The following PYROXD2 variants were observed in gnomAD, a reference collection of about 807,000 sequenced individuals.
PYROXD2 encodes the protein pyridine nucleotide-disulfide oxidoreductase domain-containing protein 2.
In PYROXD2, 69 loss-of-function variants were observed where a neutral mutation model predicts 71.1. The observed-to-expected ratio is 0.97, with a 90% confidence interval of 0.80 to 1.19. The LOEUF is 1.19. PYROXD2 is among the 50% of genes most tolerant of loss of function. The pLI is 0.00. For missense variants in PYROXD2, 745 were observed against 748.9 expected (o/e 0.99, Z 0.06); for synonymous variants, 287 against 302.7 (o/e 0.95, Z 0.54).
Position 98,407,918 on chromosome 10 carries a change from T to G in PYROXD2, c.227A>C (p.Glu76Ala). 6.2e-7 allele frequency: 1 copy of G among 1,609,150 alleles called. No homozygotes were observed. Among genetic ancestry groups the G allele is most frequent in the African/African-American group, 1.3e-5 (1 of 74,958 alleles). Residue 76 changes from glutamate to alanine, a missense_variant, in exon 3 of 16, where the codon GAG becomes GCG. Physicochemically the swap from Glu to Ala is moderately radical, Grantham distance 107. Coordinates refer to ENST00000370575, the MANE Select transcript of PYROXD2 (RefSeq NM_032709.3). ...TCAGAGCTCACCTGGGATGATCTCC[T>G]CAGTGACAGCTGCACCCCCGATCAC... Reference protein sequence around the residue: ...RHVIGGAAVTEEIIPGFKFSR... With the variant: ...RHVIGGAAVTAEIIPGFKFSR...
At chr10:98,388,023 T>C in intron 13 of PYROXD2, 1 of 284,720 alleles carries the variant, frequency 3.5e-6, no homozygotes, top group Non-Finnish European at 6.7e-6. Context: ...CATCCCTTCC[T>C]TTGAAAGCCT....
chr10:98,388,955 G>C (rs1002972611), intron 12 of PYROXD2, among the ~76,000 whole-genome samples: 1 of 152,238 alleles, frequency 6.6e-6, no homozygotes. Flanking sequence ...AGCCCCAGCA[G>C]AGCTGTGACC....
intron 2 of PYROXD2, 194 bp downstream of exon 2, chr10:98,410,745 T>A (rs913981767): frequency 6.9e-6 from 5 of 726,600 alleles, no homozygotes; most frequent in Non-Finnish European, 1.1e-5. Context: ...GAGCCTGTGA[T>A]GTCCACAGCT....
intron 1 of PYROXD2, among the ~76,000 whole-genome samples, chr10:98,412,030 C>T (rs1197633102): frequency 6.6e-6 from 1 of 152,216 alleles, no homozygotes; most frequent in Non-Finnish European, 1.5e-5. Flanking sequence ...CTGCTATTTG[C>T]CAGGGCATGA....
chr10:98,411,071 G>T, intron 1 of PYROXD2, 113 bp from the exon 2 acceptor site: 1 of 1,473,566 alleles, frequency 6.8e-7, no homozygotes, highest in South Asian at 1.3e-5. Flanking sequence ...GAAGATCCTT[G>T]GTGACCCTCC....
In PYROXD2 at chr10:98,415,118, T is replaced by C. The variant is rs1394722743; in HGVS notation, c.18A>G (p.Arg6=). The change falls in exon 1 of 16, where the codon CGA becomes CGG. Residue 6 remains arginine, a synonymous_variant. Coordinates refer to ENST00000370575, the MANE Select transcript of PYROXD2 (RefSeq NM_032709.3). MAASG[R]GLCKAVAASP... Reference sequence around the variant, plus strand: ...AGGCGGCCACAGCCTTGCAGAGACCTCGGCCACTTGCAGCCATTTCTGCCC... The same window carrying C: ...AGGCGGCCACAGCCTTGCAGAGACCCCGGCCACTTGCAGCCATTTCTGCCC... 1 of 1,613,378 alleles carries C rather than the reference T, an allele frequency of 6.2e-7. No individual in the cohort carries two copies. Among genetic ancestry groups the C allele is most frequent in the South Asian group, 1.1e-5 (1 of 90,924 alleles).
chr10:98,386,725 T>C (rs190420443), intron 14 of PYROXD2, among the ~76,000 whole-genome samples: 1 of 152,182 alleles, frequency 6.6e-6, no homozygotes, highest in East Asian at 1.9e-4. Context: ...GGGGTTTTTG[T>C]TTTTGTAGAG....
intron 4 of PYROXD2, among the ~76,000 whole-genome samples, chr10:98,401,757 T>C (rs923092666): frequency 9.2e-5 from 14 of 152,192 alleles, no homozygotes; most frequent in Non-Finnish European, 1.5e-5. Flanking sequence ...GGATCATCAA[T>C]GTCACTGACT....
intron 4 of PYROXD2, among the ~76,000 whole-genome samples, chr10:98,401,273 A>AAAAAAAAAACAAAC (rs149519972): frequency 2.5e-5 from 3 of 121,692 alleles, no homozygotes; most frequent in African/African-American, 1.1e-4. Context: ...AAAACAAAAA[A>AAAAAAAAAACAAAC]AAACAAACAT....
intron 4 of PYROXD2, among the ~76,000 whole-genome samples, chr10:98,405,473 TG>T: frequency 6.6e-6 from 1 of 152,226 alleles, no homozygotes; most frequent in Middle Eastern, 3.4e-3. Flanking sequence ...AAGTGCCAAA[TG>T]GGGGTAATAA....
At position 98,390,838 on chromosome 10, in the gene PYROXD2, A is replaced by G. The variant is rs1012364374; in HGVS notation, c.1136-84T>C. On this transcript the variant is annotated intron_variant, in intron 11 of 15. Transcript: ENST00000370575. ...AGCACCCTGCTACCCTCAGTGGCGG[A>G]CGGGAGTAGGAAAGTATGAGCAAGT... is the stretch of plus-strand genomic sequence containing the variant. 9 of 1,503,910 alleles carry G rather than the reference A, an allele frequency of 6.0e-6. No homozygotes were observed. The Admixed American group carries it at 7.3e-5, about 12-fold the overall frequency. 93.2% of individuals were successfully genotyped at this position (1,503,910 alleles called of 1,614,324 possible). A position where few individuals can be genotyped will look rare whatever the true frequency, so the allele number is the denominator to read the frequency against.
At chr10:98,388,189 A>G (rs1199826045) in intron 13 of PYROXD2, 165 bp downstream of exon 13, 2 of 663,776 alleles carry the variant, frequency 3.0e-6, no homozygotes, top group East Asian at 5.5e-5. Flanking sequence ...CCAGTTCCTG[A>G]CCCCTGCAGT....
intron 12 of PYROXD2, among the ~76,000 whole-genome samples, chr10:98,389,060 G>A (rs571663860): frequency 9.2e-5 from 14 of 152,192 alleles, no homozygotes; most frequent in East Asian, 3.9e-4. Flanking sequence ...TCAAGGCCAC[G>A]GGAAATGCCC....
intron 13 of PYROXD2, 39 bp downstream of exon 13, chr10:98,388,315 G>T (rs147806129): frequency 1.2e-6 from 2 of 1,610,766 alleles, no homozygotes; most frequent in South Asian, 2.2e-5. Flanking sequence ...TCGCATGCCC[G>T]GCTGTGGCTC....
chr10:98,394,137 A>C (rs537285328), intron 8 of PYROXD2, among the ~76,000 whole-genome samples: 1 of 152,272 alleles, frequency 6.6e-6, no homozygotes, highest in African/African-American at 2.4e-5. Context: ...ACCCATCAGG[A>C]CATCTGCTCC....
intron 1 of PYROXD2, among the ~76,000 whole-genome samples, chr10:98,412,820 T>G (rs1843834176): frequency 1.3e-5 from 2 of 152,152 alleles, no homozygotes; most frequent in African/African-American, 4.8e-5. Flanking sequence ...GCTGGTGACC[T>G]AAAGTCAACC....
At chr10:98,413,028 C>G (rs1194781376) in intron 1 of PYROXD2, among the ~76,000 whole-genome samples, 1 of 152,192 alleles carries the variant, frequency 6.6e-6, no homozygotes, top group African/African-American at 2.4e-5. Context: ...GTAATAAATA[C>G]TCAAAACACA....
chr10:98,384,886 T>C, intron 15 of PYROXD2, 61 bp downstream of exon 15: 7 of 1,519,872 alleles, frequency 4.6e-6, no homozygotes, highest in Non-Finnish European at 6.2e-6. Flanking sequence ...CTTCTCCAAG[T>C]CTCTGGCCTC....
chr10:98,385,088 T>C (rs573867403), intron 14 of PYROXD2, 21 bp from the exon 15 acceptor site: 3 of 1,613,136 alleles, frequency 1.9e-6, no homozygotes, highest in Admixed American at 1.7e-5. Flanking sequence ...AGGGCCACAG[T>C]CATCAGCACA....
Sources: gnomAD v4.1 joint callset for allele counts (sites outside exome capture counted in the v4.1 genomes callset) on GRCh38, gnomAD v4.1.1 for gene constraint, MANE v1.5 for transcripts, NCBI Gene and HGNC (gene_info 2026-07-23, HGNC 2026-07-21) for gene names.